The following GTF2IRD1 variants were observed in gnomAD, a reference collection of about 807,000 sequenced individuals.
GTF2IRD1 encodes the protein GTF2I repeat domain containing 1, also known as general transcription factor II-I repeat domain-containing protein 1.
Under a neutral mutation model 113.2 loss-of-function variants are expected in GTF2IRD1, and 26 were observed. The observed-to-expected ratio is 0.23, with a 90% CI of 0.17 to 0.32. The LOEUF is 0.32. Ranked by LOEUF, GTF2IRD1 falls within the 10% of genes least tolerant of loss-of-function variation. GTF2IRD1 has a pLI of 1.00. For synonymous variants in GTF2IRD1, 484 were observed against 529.1 expected, an observed-to-expected ratio of 0.91 and a Z score of 1.17; for missense variants, 864 against 1,280.8, an observed-to-expected ratio of 0.67 and a Z score of 4.97.
rs200416663 is a variant in GTF2IRD1 at position 74,471,669 on chromosome 7, AT to A, written c.-7+17496del. ...ACCCCTGTCTCTATCTTTTTGAAAT[AT>A]TTAAAAAAAAAAAAAAAAACAAAAA... is the stretch of plus-strand genomic sequence containing the variant. On this transcript the variant is annotated intron_variant, in intron 1 of 26. Coordinates refer to ENST00000424337, the MANE Select transcript of GTF2IRD1 (RefSeq NM_005685.4). Among the ~76,000 whole-genome samples the A allele has an allele frequency of 1.9e-3, 136 of 72,496 alleles. 2 individuals carry two copies. The East Asian group carries it at 0.029, about 16-fold the overall frequency. 47.6% of individuals were successfully genotyped at this position (72,496 alleles called of 152,430 possible).
intron 9 of GTF2IRD1, among the ~76,000 whole-genome samples, chr7:74,532,650 C>A (rs1798034606): frequency 6.6e-6 from 1 of 152,064 alleles, no homozygotes; most frequent in Admixed American, 6.6e-5. Flanking sequence ...AGTTTTCCCC[C>A]AAAATTATTC....
chr7:74,558,208 G>C (rs1257079301), intron 20 of GTF2IRD1, among the ~76,000 whole-genome samples: 1 of 151,260 alleles, frequency 6.6e-6, no homozygotes, highest in Non-Finnish European at 1.5e-5. Flanking sequence ...GAGCCTGCGA[G>C]GGGGAGGTTG....
At chr7:74,546,373 C>T (rs1798939478) in intron 16 of GTF2IRD1, among the ~76,000 whole-genome samples, 1 of 151,962 alleles carries the variant, frequency 6.6e-6, no homozygotes, top group Non-Finnish European at 1.5e-5. Context: ...AGGCACCTGC[C>T]ACCATACCCG....
At chr7:74,545,709 C>G (rs1554353066) in intron 15 of GTF2IRD1, 35 bp from the exon 16 acceptor site, 1 of 1,573,024 alleles carries the variant, frequency 6.4e-7, no homozygotes. Context: ...AAGCTGCCAC[C>G]AACCAGCCTC....
At chr7:74,532,641 GT>G (rs1479952733) in intron 9 of GTF2IRD1, among the ~76,000 whole-genome samples, 3 of 152,058 alleles carry the variant, frequency 2.0e-5, no homozygotes, top group African/African-American at 7.2e-5. Context: ...AAGGAAGCCA[GT>G]TTTCCCCCAA....
chr7:74,580,882 CCAAA>C (rs1801376221), intron 22 of GTF2IRD1, among the ~76,000 whole-genome samples: 1 of 152,174 alleles, frequency 6.6e-6, no homozygotes, highest in South Asian at 2.1e-4. Flanking sequence ...TATGACATTT[CCAAA>C]CAGAGAACAC....
chr7:74,550,501 T>C (rs1238825989), intron 17 of GTF2IRD1, among the ~76,000 whole-genome samples: 2 of 150,638 alleles, frequency 1.3e-5, no homozygotes, highest in African/African-American at 4.9e-5. Flanking sequence ...GGTGGGAGGA[T>C]CGCTTGAGCC....
chr7:74,575,261 GA>G (rs1800972293), intron 22 of GTF2IRD1, among the ~76,000 whole-genome samples: 1 of 152,192 alleles, frequency 6.6e-6, no homozygotes. Context: ...TTAAAGGCCT[GA>G]AGGGGCAGCA....
At chr7:74,472,361 A>G (rs1554332627) in intron 1 of GTF2IRD1, among the ~76,000 whole-genome samples, 1 of 152,212 alleles carries the variant, frequency 6.6e-6, no homozygotes. Context: ...CTCAGAATAT[A>G]CTGGCCTCTT....
At chr7:74,594,193 C>T (rs1158898342) in intron 24 of GTF2IRD1, among the ~76,000 whole-genome samples, 3 of 148,022 alleles carry the variant, frequency 2.0e-5, no homozygotes, top group East Asian at 2.0e-4. Context: ...AGCAAGACTC[C>T]GTCTCAAAAA....
At chr7:74,470,968 A>AT (rs1476568291) in intron 1 of GTF2IRD1, among the ~76,000 whole-genome samples, 1 of 151,774 alleles carries the variant, frequency 6.6e-6, no homozygotes, top group East Asian at 1.9e-4. Context: ...CACCTGGTTA[A>AT]TTTTTTTTGT....
At chr7:74,481,923 C>T (rs937252532) in intron 1 of GTF2IRD1, among the ~76,000 whole-genome samples, 11 of 152,118 alleles carry the variant, frequency 7.2e-5, no homozygotes. Context: ...CACCCAGGGC[C>T]CTTCTGTGGG....
At chr7:74,560,500 TTATA>T (rs1799883883) in intron 22 of GTF2IRD1, among the ~76,000 whole-genome samples, 1 of 146,680 alleles carries the variant, frequency 6.8e-6, no homozygotes, top group African/African-American at 2.5e-5. Flanking sequence ...AATAAAAATA[TTATA>T]TATAATTAAA....
At chr7:74,537,657 C>A (rs1221626657) in intron 11 of GTF2IRD1, among the ~76,000 whole-genome samples, 10 of 152,118 alleles carry the variant, frequency 6.6e-5, no homozygotes, top group South Asian at 2.1e-4. Flanking sequence ...AGAATCCCCA[C>A]ATCATATCAG....
chr7:74,563,255 G>A (rs1353945349), intron 22 of GTF2IRD1, among the ~76,000 whole-genome samples: 5 of 152,092 alleles, frequency 3.3e-5, no homozygotes, highest in East Asian at 1.9e-4. Context: ...GTGAGGCTTC[G>A]GGAACTTTCC....
chr7:74,504,987 C>T (rs1237353676), intron 1 of GTF2IRD1, among the ~76,000 whole-genome samples: 3 of 152,080 alleles, frequency 2.0e-5, no homozygotes, highest in African/African-American at 7.2e-5. Context: ...GGATTACAGA[C>T]ATGAGCCACT....
chr7:74,582,199 C>A (rs782073945), intron 22 of GTF2IRD1, among the ~76,000 whole-genome samples: 6 of 152,156 alleles, frequency 3.9e-5, no homozygotes, highest in Non-Finnish European at 8.8e-5. Flanking sequence ...CTGTTCAGAT[C>A]GAGACGTTGC....
intron 17 of GTF2IRD1, among the ~76,000 whole-genome samples, chr7:74,551,063 G>A (rs781866276): frequency 1.3e-5 from 2 of 149,556 alleles, no homozygotes; most frequent in African/African-American, 2.5e-5. Flanking sequence ...AAGAGAGGCC[G>A]GGGCATGGTG....
intron 22 of GTF2IRD1, among the ~76,000 whole-genome samples, chr7:74,572,908 G>A (rs1225724280): frequency 6.6e-6 from 1 of 152,116 alleles, no homozygotes; most frequent in Admixed American, 6.6e-5. Flanking sequence ...GTGGGCAGAC[G>A]AGACGCCCTA....
Sources: allele counts gnomAD v4.1 joint callset (sites outside exome capture counted in the v4.1 genomes callset), GRCh38; gene constraint gnomAD v4.1.1; transcripts MANE v1.5; gene names NCBI Gene and HGNC (gene_info 2026-07-23, HGNC 2026-07-21).